Variants in MATCAP1 observed in about 807,000 individuals in gnomAD.
MATCAP1 encodes the protein microtubule-associated tyrosine carboxypeptidase 1.
the MATCAP1 span, among the ~76,000 whole-genome samples, chr16:67,177,220 C>T: frequency 6.6e-6 from 1 of 152,202 alleles, no homozygotes; most frequent in Admixed American, 6.5e-5. Context: ...CCCAGCCTCT[C>T]AGACCCTCAC....
At chr16:67,179,886 G>A in the MATCAP1 span, 1 of 1,614,072 alleles carries the variant, frequency 6.2e-7, no homozygotes, top group Non-Finnish European at 8.5e-7. This position sits in a 1 kb window ranked among gnomAD's most constrained non-coding sequence, Gnocchi z 5.2. Context: ...GTGAGCAGCT[G>A]CCCCCCAGTG....
the MATCAP1 span, among the ~76,000 whole-genome samples, chr16:67,180,974 G>A: frequency 1.6e-4 from 25 of 152,242 alleles, no homozygotes; most frequent in East Asian, 3.3e-3. Context: ...TGATCCTCCC[G>A]CCTCAGCCTC....
At chr16:67,180,174 G>T in the MATCAP1 span, 1 of 1,614,248 alleles carries the variant, frequency 6.2e-7, no homozygotes, top group South Asian at 1.1e-5. Flanking sequence ...GTCCATGTTG[G>T]TTGGCCGCAG....
chr16:67,178,557 C>T, the MATCAP1 span: 5 of 1,450,126 alleles, frequency 3.4e-6, no homozygotes, highest in Non-Finnish European at 4.7e-6. Context: ...GGGGACCCGC[C>T]TGCGAGCCCA....
chr16:67,181,667 T>C, the MATCAP1 span: 1 of 152,220 alleles, frequency 6.6e-6, no homozygotes, highest in Non-Finnish European at 1.5e-5. Context: ...ACTCTTTCCA[T>C]CAGGATAAAC....
At chr16:67,178,536 G>T in the MATCAP1 span, 2 of 1,513,536 alleles carry the variant, frequency 1.3e-6, no homozygotes, top group Non-Finnish European at 1.8e-6. Context: ...GCGGCGCTGG[G>T]CGGGGCGTTC....
chr16:67,180,126 T>C, the MATCAP1 span: 1 of 1,614,146 alleles, frequency 6.2e-7, no homozygotes, highest in Non-Finnish European at 8.5e-7. Context: ...CTGTGGATTG[T>C]AGGTGTAATG....
chr16:67,180,375 C>T, the MATCAP1 span: 8 of 1,612,578 alleles, frequency 5.0e-6, no homozygotes, highest in African/African-American at 2.7e-5. Flanking sequence ...GCTCTCACTG[C>T]GACGCATGTG....
chr16:67,179,146 G>C, the MATCAP1 span: 1 of 1,246,184 alleles, frequency 8.0e-7, no homozygotes, highest in African/African-American at 1.5e-5. This position sits in a 1 kb window ranked among gnomAD's most constrained non-coding sequence, Gnocchi z 5.2. Flanking sequence ...GGCCTGACCA[G>C]CCTTGCCCGC....
chr16:67,178,727 G>A, the MATCAP1 span: 1 of 699,572 alleles, frequency 1.4e-6, no homozygotes, highest in Non-Finnish European at 2.6e-6. Flanking sequence ...TCACATACAT[G>A]AATCCTCTCC....
At chr16:67,178,129 GAGCCCCGCCCCTCGCCCGA>G in the MATCAP1 span, 60,751 of 1,601,340 alleles carry the variant, frequency 0.038, 2,271 homozygotes, top group African/African-American at 0.2. Context: ...GGAGGGCGGT[GAGCCCCGCCCCTCGCCCGA>G]AGCCCCGCCC....
the MATCAP1 span, chr16:67,176,636 C>T: frequency 1.8e-6 from 1 of 548,792 alleles, no homozygotes; most frequent in Non-Finnish European, 3.0e-6. This position sits in a 1 kb window ranked among gnomAD's most constrained non-coding sequence, Gnocchi z 4.3. Context: ...CCCAGGGAGG[C>T]TGGCAAGGGA....
At chr16:67,178,260 G>C in the MATCAP1 span, 1 of 1,566,314 alleles carries the variant, frequency 6.4e-7, no homozygotes, top group Non-Finnish European at 8.6e-7. Flanking sequence ...AGCGCACATC[G>C]GCGTCCTGCA....
chr16:67,176,804 A>G, the MATCAP1 span: 3 of 1,574,460 alleles, frequency 1.9e-6, no homozygotes, highest in Non-Finnish European at 2.6e-6. This position sits in a 1 kb window ranked among gnomAD's most constrained non-coding sequence, Gnocchi z 4.3. Context: ...GCAGCCCTCA[A>G]CGGACATCAG....
the MATCAP1 span, among the ~76,000 whole-genome samples, chr16:67,183,071 TC>T: frequency 5.1e-3 from 779 of 152,230 alleles, 6 homozygotes; most frequent in African/African-American, 0.018. Context: ...GCACTTTGCT[TC>T]CCTATCTAGA....
the MATCAP1 span, chr16:67,179,682 C>T: frequency 6.7e-7 from 1 of 1,488,380 alleles, no homozygotes; most frequent in East Asian, 2.3e-5. This position sits in a 1 kb window ranked among gnomAD's most constrained non-coding sequence, Gnocchi z 5.2. Flanking sequence ...CCTTCATCAC[C>T]TCTGCTCAGA....
chr16:67,178,203 C>G, the MATCAP1 span: 1 of 1,536,696 alleles, frequency 6.5e-7, no homozygotes, highest in Admixed American at 2.0e-5. Context: ...GCACACCTGG[C>G]AGCGAGGTGT....
At chr16:67,179,667 C>A in the MATCAP1 span, 1 of 1,466,504 alleles carries the variant, frequency 6.8e-7, no homozygotes. This position sits in a 1 kb window ranked among gnomAD's most constrained non-coding sequence, Gnocchi z 5.2. Flanking sequence ...GGCCAGGGCA[C>A]CCACCCTTCA....
At chr16:67,180,053 C>T in the MATCAP1 span, 2 of 1,613,868 alleles carry the variant, frequency 1.2e-6, no homozygotes, top group Non-Finnish European at 1.7e-6. Context: ...GATGGATGAA[C>T]TGTCCAGAGG....
Sources: gnomAD v4.1 joint callset for allele counts (sites outside exome capture counted in the v4.1 genomes callset) on GRCh38, gnomAD v4.1.1 for gene constraint, Gnocchi (gnomAD v3.1) non-coding constraint, MANE v1.5 for transcripts, NCBI Gene and HGNC (gene_info 2026-07-23, HGNC 2026-07-21) for gene names.